ATP13A5: variants seen among roughly 807,000 people sequenced by gnomAD.
ATP13A5 encodes probable cation-transporting ATPase 13A5.
In ATP13A5, 149 loss-of-function variants were observed where a neutral mutation model predicts 150.2. That is an observed-to-expected ratio of 0.99 (90% CI 0.87 to 1.14). The LOEUF is 1.14. Ranked by LOEUF, ATP13A5 falls within the 50% of genes most tolerant of loss-of-function variation. The pLI, the probability that ATP13A5 is intolerant of heterozygous loss-of-function variation, is 0.00. For missense variants in ATP13A5, 1,383 were observed against 1,449.3 expected, an observed-to-expected ratio of 0.95 and a Z score of 0.74; for synonymous variants, 497 against 522.2, an observed-to-expected ratio of 0.95 and a Z score of 0.66.
chr3:193,361,475 C>G (rs1041191947), intron 5 of ATP13A5, among the ~76,000 whole-genome samples: 3 of 152,088 alleles, frequency 2.0e-5, no homozygotes, highest in Non-Finnish European at 4.4e-5. Context: ...AGCTTAAAAC[C>G]TATATTTTAA....
intron 25 of ATP13A5, among the ~76,000 whole-genome samples, chr3:193,298,527 A>T (rs762448350): frequency 3.9e-5 from 6 of 152,002 alleles, no homozygotes; most frequent in Non-Finnish European, 5.9e-5. Flanking sequence ...CCTATTGTTG[A>T]GCAAGGAAAA....
chr3:193,356,478 C>T (rs985370005), intron 5 of ATP13A5, among the ~76,000 whole-genome samples: 3 of 152,018 alleles, frequency 2.0e-5, no homozygotes, highest in Admixed American at 1.3e-4. Context: ...GGGTGTGTGG[C>T]ACACACCTGT....
In ATP13A5 at chr3:193,360,866, G is replaced by A. The variant is rs536531201; in HGVS notation, c.536+1515C>T. Among the ~76,000 whole-genome samples the A allele has an allele frequency of 4.6e-5, 7 of 152,266 alleles. No homozygotes were observed. In the East Asian group the frequency reaches 9.7e-4, roughly 21 times the overall value. On this transcript the variant is annotated intron_variant, in intron 5 of 29. Coordinates refer to ENST00000342358, the MANE Select transcript of ATP13A5 (RefSeq NM_198505.4). ...TAACTTTTGTATTTTTAGTAAAGAC[G>A]GAGTTTCACCATGTTGGCCAGGCTG...
intron 28 of ATP13A5, among the ~76,000 whole-genome samples, chr3:193,278,219 G>A (rs1211710887): frequency 6.6e-6 from 1 of 152,164 alleles, no homozygotes; most frequent in Non-Finnish European, 1.5e-5. Flanking sequence ...CTGGAGCTTC[G>A]TGTTTGATAA....
chr3:193,325,312 T>C (rs1477594169), intron 13 of ATP13A5, among the ~76,000 whole-genome samples: 1 of 152,236 alleles, frequency 6.6e-6, no homozygotes, highest in Non-Finnish European at 1.5e-5. Context: ...TCTCTGCTCT[T>C]AAGCCCCTGC....
At chr3:193,364,421 T>A in intron 1 of ATP13A5, 141 bp from the exon 2 acceptor site, 1 of 942,174 alleles carries the variant, frequency 1.1e-6, no homozygotes, top group Non-Finnish European at 1.6e-6. Flanking sequence ...TCAAGTTGAC[T>A]GCTTGCAGCT....
chr3:193,289,762 T>G, intron 26 of ATP13A5, 123 bp downstream of exon 26: 1 of 920,680 alleles, frequency 1.1e-6, no homozygotes, highest in Non-Finnish European at 1.6e-6. Flanking sequence ...ATCATTTGAG[T>G]TTTGCAGCGA....
At chr3:193,305,104 G>C (rs1440282141) in intron 23 of ATP13A5, among the ~76,000 whole-genome samples, 2 of 152,160 alleles carry the variant, frequency 1.3e-5, no homozygotes, top group Non-Finnish European at 2.9e-5. Context: ...CCCTGACACT[G>C]TCAATCAACT....
intron 29 of ATP13A5, among the ~76,000 whole-genome samples, chr3:193,275,527 C>T (rs977377749): frequency 6.6e-6 from 1 of 152,172 alleles, no homozygotes; most frequent in Admixed American, 6.5e-5. Flanking sequence ...TTCCTTTTCA[C>T]ACATTTCCTG....
At chr3:193,335,121 T>C (rs756309605) in intron 9 of ATP13A5, 22 bp from the exon 10 acceptor site, 1 of 1,611,478 alleles carries the variant, frequency 6.2e-7, no homozygotes, top group Admixed American at 1.7e-5. Flanking sequence ...TGTATTTTGT[T>C]GAATCTATGT....
chr3:193,341,334 T>C (rs987300271), intron 9 of ATP13A5, among the ~76,000 whole-genome samples: 1 of 152,176 alleles, frequency 6.6e-6, no homozygotes, highest in Non-Finnish European at 1.5e-5. Flanking sequence ...TGATCATGGA[T>C]TGAGAGACTA....
chr3:193,306,324 A>G (rs1389265985), intron 22 of ATP13A5, among the ~76,000 whole-genome samples: 1 of 152,018 alleles, frequency 6.6e-6, no homozygotes, highest in Non-Finnish European at 1.5e-5. Flanking sequence ...TTCATCAGAC[A>G]ATGAACTCTT....
Position 193,364,191 on chromosome 3 carries a change from G to A in ATP13A5, c.153C>T (p.Phe51=). The A allele has an allele frequency of 6.2e-7, 1 of 1,614,092 alleles. No homozygotes were observed. Among genetic ancestry groups the A allele is most frequent in the South Asian group, 1.1e-5 (1 of 91,074 alleles). Reference sequence around the variant, plus strand: ...ACACTCTCCACTGGGGTCTCCAGTAGAACACCAGCAGAAGGCCCCCACAGG... The same window carrying A: ...ACACTCTCCACTGGGGTCTCCAGTAAAACACCAGCAGAAGGCCCCCACAGG... ...VLTCGGLLLV[F]YWRPQWRVWA... Residue 51 remains phenylalanine (F), a synonymous_variant, in exon 2 of 30, where the codon TTC becomes TTT. Coordinates refer to ENST00000342358, the MANE Select transcript of ATP13A5 (RefSeq NM_198505.4).
chr3:193,289,963 C>A lies in ATP13A5; in HGVS notation c.2945G>T (p.Cys982Phe), dbSNP rs373062003. ...ACTGATCTGCACAATGCAGGAGAAA[C>A]AGGAATTCAAAAATATTGAAAGCAG... is the stretch of plus-strand genomic sequence containing the variant. ...PLLLSIFLNS[C>F]FSCIVQISAF... The change falls in exon 26 of 30, where the codon TGT becomes TTT. Residue 982 changes from cysteine (C) to phenylalanine (F), a missense_variant. Coordinates refer to ENST00000342358, the MANE Select transcript of ATP13A5 (RefSeq NM_198505.4). The A allele has an allele frequency of 6.2e-7, 1 of 1,612,790 alleles. No individual in the cohort carries two copies. Among genetic ancestry groups the A allele is most frequent in the Non-Finnish European group, 8.5e-7 (1 of 1,179,238 alleles).
chr3:193,316,865 G>A (rs112707729), intron 17 of ATP13A5, among the ~76,000 whole-genome samples: 6 of 152,172 alleles, frequency 3.9e-5, no homozygotes, highest in Admixed American at 6.5e-5. Context: ...TATACCATAC[G>A]TAAAAATCAA....
intron 1 of ATP13A5, among the ~76,000 whole-genome samples, chr3:193,368,159 A>G (rs983794232): frequency 9.9e-5 from 15 of 152,188 alleles, no homozygotes; most frequent in African/African-American, 1.4e-4. Context: ...AGGAAAACCA[A>G]TTGTGTTTGT....
intron 17 of ATP13A5, among the ~76,000 whole-genome samples, chr3:193,315,882 G>GTGTA (rs1391799233): frequency 1.3e-5 from 2 of 151,754 alleles, no homozygotes; most frequent in Non-Finnish European, 1.5e-5. Context: ...GTGTGTGTGT[G>GTGTA]TTAAAATCAC....
At chr3:193,324,111 C>G (rs1033186065) in intron 14 of ATP13A5, 1 of 152,186 alleles carries the variant, frequency 6.6e-6, no homozygotes, top group Non-Finnish European at 1.5e-5. Flanking sequence ...GTCACAGACT[C>G]AGTCCTGGCT....
intron 8 of ATP13A5, 54 bp downstream of exon 8, chr3:193,344,949 C>T: frequency 6.8e-7 from 1 of 1,478,548 alleles, no homozygotes; most frequent in Non-Finnish European, 9.5e-7. Context: ...ACAAATGAGA[C>T]CAATTCCCCC....
Sources: allele counts gnomAD v4.1 joint callset (sites outside exome capture counted in the v4.1 genomes callset), GRCh38; gene constraint gnomAD v4.1.1; transcripts MANE v1.5; gene names NCBI Gene and HGNC (gene_info 2026-07-23, HGNC 2026-07-21).